PTCHD1: variants seen among roughly 807,000 people sequenced by gnomAD.
PTCHD1 encodes patched domain containing 1, also known as patched domain-containing protein 1.
Under a neutral mutation model 34.6 loss-of-function variants are expected in PTCHD1, and 3 were observed. That is an observed-to-expected ratio of 0.09 (90% CI 0.04 to 0.22). PTCHD1 has a LOEUF of 0.22. Ranked by LOEUF, PTCHD1 falls within the 10% of genes least tolerant of loss-of-function variation. The pLI is 1.00. For synonymous variants in PTCHD1, 305 were observed against 283.1 expected (o/e 1.08, Z -0.77); for missense variants, 504 against 685.5 (o/e 0.74, Z 2.96).
chrX:23,384,165 T>C (rs1842638461), intron 2 of PTCHD1, among the ~76,000 whole-genome samples: 2 of 112,513 alleles, frequency 1.8e-5, no homozygotes, highest in Non-Finnish European at 3.8e-5. Context: ...GTACATCCTG[T>C]ACAGCTAAAA....
intron 1 of PTCHD1, among the ~76,000 whole-genome samples, chrX:23,375,287 C>CTTTTTT (rs72075900): frequency 8.4e-5 from 7 of 83,720 alleles, no homozygotes; most frequent in African/African-American, 9.6e-5. Flanking sequence ...GCTGACAATT[C>CTTTTTT]TTTTTTTTTT....
In PTCHD1 at chrX:23,391,337, G is replaced by A. The variant is rs185598562; in HGVS notation, c.1013-1194G>A. Among the ~76,000 whole-genome samples, 787 of 110,459 alleles carry A rather than the reference G, an allele frequency of 7.1e-3. 4 individuals carry two copies. Among genetic ancestry groups the A allele is most frequent in the Non-Finnish European group, 9.5e-3 (506 of 53,108 alleles). On this transcript the variant is annotated intron_variant, in intron 2 of 2. Transcript: ENST00000379361. ...CTGCTGACGTATTATATCACTGCTT[G>A]ATAAGTCATGTATGAATAACCAAAT...
At chrX:23,386,099 T>C (rs1416970251) in intron 2 of PTCHD1, among the ~76,000 whole-genome samples, 1 of 111,461 alleles carries the variant, frequency 9.0e-6, no homozygotes, top group African/African-American at 3.3e-5. Context: ...ATGCCATATA[T>C]ACATATGTTT....
rs1265065502 is a variant in PTCHD1, at chrX:23,402,097, A to G, written c.*7912A>G. ...ATGGGGTGATCCCTCCAAATTGCCA[A>G]CTCCTCGTCTTAGGAAGAAGTGGGC... On this transcript the variant is annotated 3_prime_UTR_variant, in exon 3 of 3. Transcript: ENST00000379361. The G allele has an allele frequency of 2.7e-5, 3 of 111,531 alleles. No homozygotes were observed. The highest frequency in any genetic ancestry group is 9.8e-5 in the African/African-American group (3 of 30,638). The allele number at this position is 111,531 out of a possible 1,213,427, so 9.2% of individuals were successfully genotyped here. A position where few individuals can be genotyped will look rare whatever the true frequency, so the allele number is the denominator to read the frequency against.
At chrX:23,382,476 T>C (rs1294543468) in intron 2 of PTCHD1, among the ~76,000 whole-genome samples, 1 of 112,223 alleles carries the variant, frequency 8.9e-6, no homozygotes, top group African/African-American at 3.2e-5. Flanking sequence ...CCATGGCAGA[T>C]AGTATTGGTG....
intron 1 of PTCHD1, among the ~76,000 whole-genome samples, chrX:23,360,627 G>GT (rs1921953181): frequency 9.0e-6 from 1 of 111,334 alleles, no homozygotes; most frequent in Non-Finnish European, 1.9e-5. Context: ...TTTTTGAAGG[G>GT]TTTTTTGTGT....
chrX:23,380,334 C>A, intron 2 of PTCHD1, 83 bp downstream of exon 2: 1 of 925,492 alleles, frequency 1.1e-6, no homozygotes, highest in Non-Finnish European at 1.6e-6. Flanking sequence ...AGCCTTCTAA[C>A]AACTTTGTTT....
chrX:23,401,127 C>T lies in PTCHD1; in HGVS notation c.*6942C>T, dbSNP rs1390458946. 4 of 110,569 alleles carry T rather than the reference C, an allele frequency of 3.6e-5. No homozygotes were observed. The East Asian group carries it at 1.1e-3, about 31-fold the overall frequency. The allele number at this position is 110,569 out of a possible 1,213,427, so 9.1% of individuals were successfully genotyped here. A position where few individuals can be genotyped will look rare whatever the true frequency, so the allele number is the denominator to read the frequency against. On this transcript the variant is annotated 3_prime_UTR_variant, in exon 3 of 3. Coordinates refer to ENST00000379361, the MANE Select transcript of PTCHD1 (RefSeq NM_173495.3). ...ATCTCCTAACCTCGTGATCCACCCGCCTCGGCCTCCCAAAGTGCTGGGATT... is the reference window on the plus strand; with the variant it reads ...ATCTCCTAACCTCGTGATCCACCCGTCTCGGCCTCCCAAAGTGCTGGGATT...
chrX:23,359,749 A>G (rs1180145504), intron 1 of PTCHD1, among the ~76,000 whole-genome samples: 3 of 111,679 alleles, frequency 2.7e-5, no homozygotes, highest in African/African-American at 9.8e-5. Context: ...GAATACTTCT[A>G]GTTTTTGCCC....
In PTCHD1 at chrX:23,351,363, T is replaced by G; in HGVS notation, c.351+16137T>G. The G allele has an allele frequency of 6.5e-6, 5 of 766,042 alleles. No individual in the cohort carries two copies. In the South Asian group the frequency reaches 1.1e-4, roughly 17 times the overall value. The allele number at this position is 766,042 out of a possible 1,213,427, so 63.1% of individuals were successfully genotyped here. A position where few individuals can be genotyped will look rare whatever the true frequency, so the allele number is the denominator to read the frequency against. On this transcript the variant is annotated intron_variant, in intron 1 of 2. Coordinates refer to ENST00000379361, the MANE Select transcript of PTCHD1 (RefSeq NM_173495.3). ...AGGCCCAGATGACACCAAGCCTATATGAAATGTTCATTCTGCAAAATATGT... is the reference window on the plus strand; with the variant it reads ...AGGCCCAGATGACACCAAGCCTATAGGAAATGTTCATTCTGCAAAATATGT...
rs1040521641 is a variant in PTCHD1, at chrX:23,401,457, G to C, written c.*7272G>C. 1.8e-5 allele frequency: 2 copies of C among 112,392 alleles called. No homozygotes were observed. Among genetic ancestry groups the C allele is most frequent in the Admixed American group, 9.4e-5 (1 of 10,646 alleles). 9.3% of individuals were successfully genotyped at this position (112,392 alleles called of 1,213,427 possible). On this transcript the variant is annotated 3_prime_UTR_variant, in exon 3 of 3. Transcript: ENST00000379361. ...TTGCCACGATGCCTCCCAGGACTGT[G>C]GGTGACTGGGCAAACTGGTAATGAC... is the stretch of plus-strand genomic sequence containing the variant.
chrX:23,349,108 G>GT (rs1331120115), intron 1 of PTCHD1, among the ~76,000 whole-genome samples: 2 of 111,323 alleles, frequency 1.8e-5, no homozygotes, highest in East Asian at 2.8e-4. Context: ...AATGTGTATT[G>GT]TAAGTGCTAG....
rs943793156 is a variant in PTCHD1 at position 23,392,904 on chromosome X, G to A, written c.1386G>A (p.Thr462=). 2.5e-6 allele frequency: 3 copies of A among 1,212,042 alleles called. No homozygotes were observed. The highest frequency in any genetic ancestry group is 3.3e-6 in the Non-Finnish European group (3 of 895,529). Residue 462 remains threonine (T), a synonymous_variant, in exon 3 of 3, where the codon ACG becomes ACA. Coordinates refer to ENST00000379361, the MANE Select transcript of PTCHD1 (RefSeq NM_173495.3). ...CGGCATGGTACAGGTTTCTCCTGAC[G>A]GCCAGATTCAGTGAGGACACAGCTG... ...EKPAWYRFLL[T]ARFSEDTAEG... is the part of the protein sequence containing the mutation.
intron 1 of PTCHD1, among the ~76,000 whole-genome samples, chrX:23,353,281 G>GT (rs1446746597): frequency 1.8e-5 from 2 of 112,370 alleles, no homozygotes; most frequent in Non-Finnish European, 3.8e-5. Flanking sequence ...AGTCTTAAAG[G>GT]TTTTTTTGAA....
chrX:23,350,801 G>A (rs1167380695), intron 1 of PTCHD1, among the ~76,000 whole-genome samples: 1 of 110,608 alleles, frequency 9.0e-6, no homozygotes, highest in African/African-American at 3.3e-5. Flanking sequence ...GAAAAGCTAG[G>A]TCGAAAGATA....
rs1355137621 is a variant in PTCHD1, at chrX:23,396,794, T to C, written c.*2609T>C. On this transcript the variant is annotated 3_prime_UTR_variant, in exon 3 of 3. Coordinates refer to ENST00000379361, the MANE Select transcript of PTCHD1 (RefSeq NM_173495.3). ...ATTCTGACTGTGAAATGAATTTTTC[T>C]ATTGGGAGATTATGCATGCCAAGAT... is the stretch of plus-strand genomic sequence containing the variant. 2 of 112,466 alleles carry C rather than the reference T, an allele frequency of 1.8e-5. No homozygotes were observed. Among genetic ancestry groups the C allele is most frequent in the Non-Finnish European group, 3.8e-5 (2 of 53,276 alleles). 9.3% of individuals were successfully genotyped at this position (112,466 alleles called of 1,213,427 possible).
intron 1 of PTCHD1, among the ~76,000 whole-genome samples, chrX:23,370,341 G>T (rs1195917641): frequency 8.9e-6 from 1 of 111,790 alleles, no homozygotes; most frequent in Non-Finnish European, 1.9e-5. Context: ...TCCCAGAAGG[G>T]TCGAGGCCTT....
At chrX:23,379,171 T>C (rs921587952) in intron 1 of PTCHD1, among the ~76,000 whole-genome samples, 1 of 112,537 alleles carries the variant, frequency 8.9e-6, no homozygotes, top group African/African-American at 3.2e-5. Flanking sequence ...AGGGGACCTA[T>C]ATAAGACTTC....
upstream of PTCHD1, chrX:23,334,674 G>C (rs747472045): frequency 1.3e-3 from 139 of 106,643 alleles, no homozygotes; most frequent in Non-Finnish European, 2.5e-3. Context: ...CGTGTCTCCG[G>C]CTCGAGGGGA....
Sources: allele counts gnomAD v4.1 joint callset (sites outside exome capture counted in the v4.1 genomes callset), GRCh38; gene constraint gnomAD v4.1.1; transcripts MANE v1.5; gene names NCBI Gene and HGNC (gene_info 2026-07-23, HGNC 2026-07-21).